The following SEMA3A variants were observed in gnomAD, a reference collection of about 807,000 sequenced individuals.
SEMA3A encodes semaphorin 3A.
In SEMA3A, 29 loss-of-function variants were observed where a neutral mutation model predicts 97.9. The ratio of observed to expected loss-of-function variants is 0.30; its 90% confidence interval spans 0.22 to 0.40. SEMA3A has a LOEUF of 0.40. SEMA3A is among the 10% of genes least tolerant of loss of function. The probability of loss-of-function intolerance (pLI) is 1.00; values close to 1 mark genes in which losing one functional copy is unlikely to be tolerated. For missense variants in SEMA3A, 763 were observed against 951.3 expected (o/e 0.80, Z 2.60); for synonymous variants, 321 against 323.7 (o/e 0.99, Z 0.09).
chr7:84,048,332 TA>T (rs1371858346), intron 5 of SEMA3A, among the ~76,000 whole-genome samples: 2 of 152,060 alleles, frequency 1.3e-5, no homozygotes, highest in Non-Finnish European at 2.9e-5. Context: ...ATAACCTATG[TA>T]TAAATTTCAA....
At chr7:84,066,314 A>G (rs146826470) in intron 4 of SEMA3A, among the ~76,000 whole-genome samples, 27,439 of 151,964 alleles carry the variant, frequency 0.18, 2,603 homozygotes, top group South Asian at 0.26. Flanking sequence ...ATCCAATATC[A>G]TACTGAATGG....
intron 3 of SEMA3A, among the ~76,000 whole-genome samples, chr7:84,298,951 T>C (rs889785851): frequency 2.0e-4 from 30 of 152,088 alleles, no homozygotes; most frequent in Non-Finnish European, 3.5e-4. Context: ...ATCTTTCTAA[T>C]GGGCTAGATG....
At chr7:84,312,508 T>A (rs992481835) in intron 2 of SEMA3A, among the ~76,000 whole-genome samples, 2 of 150,024 alleles carry the variant, frequency 1.3e-5, no homozygotes, top group African/African-American at 2.4e-5. Flanking sequence ...AGCTTAAATG[T>A]TTGAGTTTAT....
chr7:84,105,416 CA>C (rs1190281518), intron 4 of SEMA3A, among the ~76,000 whole-genome samples: 3 of 152,024 alleles, frequency 2.0e-5, no homozygotes, highest in African/African-American at 7.2e-5. Flanking sequence ...AAGAACCAGA[CA>C]AAACATTTTA....
At chr7:84,125,724 GGAGA>G (rs925788737) in intron 3 of SEMA3A, among the ~76,000 whole-genome samples, 3 of 152,116 alleles carry the variant, frequency 2.0e-5, no homozygotes, top group African/African-American at 7.2e-5. Flanking sequence ...AGATAGAGAG[GGAGA>G]GAGAGGAGAA....
chr7:84,096,599 A>T (rs914711434), intron 4 of SEMA3A, among the ~76,000 whole-genome samples: 1 of 152,066 alleles, frequency 6.6e-6, no homozygotes, highest in Admixed American at 6.6e-5. Context: ...GATATTATTA[A>T]ATTTTTTAGA....
At chr7:84,015,922 G>A (rs1791080316) in intron 6 of SEMA3A, among the ~76,000 whole-genome samples, 1 of 152,132 alleles carries the variant, frequency 6.6e-6, no homozygotes, top group Non-Finnish European at 1.5e-5. Flanking sequence ...GTGAACAAGA[G>A]TAGGAGAATA....
chr7:84,464,897 A>T (rs1805951559), intron 1 of SEMA3A, among the ~76,000 whole-genome samples: 1 of 152,184 alleles, frequency 6.6e-6, no homozygotes, highest in Non-Finnish European at 1.5e-5. Context: ...GTAATAAAGA[A>T]AGATACGTTT....
chr7:84,426,141 G>A (rs1385944074), intron 1 of SEMA3A, among the ~76,000 whole-genome samples: 1 of 151,970 alleles, frequency 6.6e-6, no homozygotes, highest in Non-Finnish European at 1.5e-5. Context: ...CACTGCTCAT[G>A]TGATGGGAGC....
intron 1 of SEMA3A, among the ~76,000 whole-genome samples, chr7:84,137,609 T>C (rs1050865076): frequency 1.3e-5 from 2 of 150,776 alleles, no homozygotes; most frequent in Non-Finnish European, 2.9e-5. Flanking sequence ...AAGAGATCTG[T>C]TTATCAAATG....
intron 4 of SEMA3A, among the ~76,000 whole-genome samples, chr7:84,099,516 A>G (rs945077106): frequency 1.3e-5 from 2 of 152,184 alleles, no homozygotes; most frequent in African/African-American, 2.4e-5. Context: ...TGCCTATAGT[A>G]GCTTAATGTT....
At chr7:84,264,230 T>C (rs549573602) in intron 3 of SEMA3A, among the ~76,000 whole-genome samples, 80 of 152,334 alleles carry the variant, frequency 5.3e-4, no homozygotes, top group African/African-American at 1.9e-3. Flanking sequence ...TGGAATACTT[T>C]AGAAAATTTA....
At chr7:84,357,676 G>T (rs1379862487) in intron 2 of SEMA3A, among the ~76,000 whole-genome samples, 1 of 151,808 alleles carries the variant, frequency 6.6e-6, no homozygotes, top group Admixed American at 6.6e-5. Context: ...GGGTCAGATA[G>T]TATTTCTAGT....
chr7:84,112,641 T>C (rs1004468243), intron 3 of SEMA3A, among the ~76,000 whole-genome samples: 1 of 152,212 alleles, frequency 6.6e-6, no homozygotes, highest in Non-Finnish European at 1.5e-5. Context: ...TTATCTCTTA[T>C]AGATTGAATA....
intron 3 of SEMA3A, among the ~76,000 whole-genome samples, chr7:84,243,860 A>G (rs1165654512): frequency 2.6e-5 from 4 of 152,144 alleles, no homozygotes; most frequent in Non-Finnish European, 4.4e-5. Flanking sequence ...TTATTTACCC[A>G]GTAGCCATTC....
intron 1 of SEMA3A, among the ~76,000 whole-genome samples, chr7:84,429,551 G>GTATATAT (rs1562945161): frequency 7.6e-5 from 4 of 52,632 alleles, no homozygotes; most frequent in African/African-American, 2.2e-4. Context: ...TATATATAGC[G>GTATATAT]AGAGAGAGAG....
chr7:84,340,270 AATT>A, intron 2 of SEMA3A, among the ~76,000 whole-genome samples: 1 of 152,284 alleles, frequency 6.6e-6, no homozygotes, highest in East Asian at 1.9e-4. Context: ...ATAGATTAAT[AATT>A]CAAAGATATC....
intron 6 of SEMA3A, among the ~76,000 whole-genome samples, chr7:84,031,223 C>T (rs1442657670): frequency 6.6e-6 from 1 of 151,826 alleles, no homozygotes; most frequent in Non-Finnish European, 1.5e-5. Context: ...GATCTCCTGA[C>T]CTTGTGATCC....
At chr7:84,050,722 C>G (rs563585592) in intron 5 of SEMA3A, among the ~76,000 whole-genome samples, 1 of 152,232 alleles carries the variant, frequency 6.6e-6, no homozygotes, top group African/African-American at 2.4e-5. Context: ...AATTAGATCC[C>G]ATTTGTTGAT....
Sources: gnomAD v4.1 joint callset for allele counts (sites outside exome capture counted in the v4.1 genomes callset) on GRCh38, gnomAD v4.1.1 for gene constraint, MANE v1.5 for transcripts, NCBI Gene and HGNC (gene_info 2026-07-23, HGNC 2026-07-21) for gene names.